The following ITPR1 variants were observed in gnomAD, a reference collection of about 807,000 sequenced individuals.
The protein encoded by ITPR1 is inositol 1,4,5-trisphosphate-gated calcium channel ITPR1.
A neutral mutation model predicts 318.4 loss-of-function variants in ITPR1; 96 were observed. The ratio of observed to expected loss-of-function variants is 0.30; its 90% CI spans 0.26 to 0.36. The LOEUF is 0.36. ITPR1 is among the 10% of genes least tolerant of loss of function. The probability of loss-of-function intolerance (pLI) is 1.00; values close to 1 mark genes in which losing one functional copy is unlikely to be tolerated. For missense variants in ITPR1, 2,440 were observed against 3,460.2 expected (o/e 0.71, Z 7.40); for synonymous variants, 1,312 against 1,289.9 (o/e 1.02, Z -0.37).
chr3:4,511,648 C>T (rs1004279548), intron 2 of ITPR1, among the ~76,000 whole-genome samples: 1 of 152,124 alleles, frequency 6.6e-6, no homozygotes, highest in Admixed American at 6.6e-5. Flanking sequence ...TCTTATTCTC[C>T]CCATTTTACA....
At chr3:4,639,536 A>T in intron 6 of ITPR1, 66 bp downstream of exon 6, 1 of 1,186,058 alleles carries the variant, frequency 8.4e-7, no homozygotes, top group Non-Finnish European at 1.2e-6. Context: ...GAGGAAACAA[A>T]CACCTAAGAC....
chr3:4,622,697 G>A (rs1447549936), intron 4 of ITPR1, among the ~76,000 whole-genome samples: 3 of 152,348 alleles, frequency 2.0e-5, no homozygotes, highest in East Asian at 3.9e-4. Context: ...ACAGGTGTGA[G>A]CCACCGCACC....
intron 4 of ITPR1, among the ~76,000 whole-genome samples, chr3:4,526,395 T>C (rs2082980352): frequency 6.6e-6 from 1 of 152,204 alleles, no homozygotes; most frequent in East Asian, 1.9e-4. Context: ...CCCAGTGAAG[T>C]TGGTTTCAAG....
chr3:4,508,892 G>C (rs1028933216), intron 2 of ITPR1, among the ~76,000 whole-genome samples: 1 of 152,168 alleles, frequency 6.6e-6, no homozygotes, highest in African/African-American at 2.4e-5. Context: ...CAGCCACCTC[G>C]TGGGCTTACA....
intron 44 of ITPR1, among the ~76,000 whole-genome samples, chr3:4,762,432 A>G (rs1330379455): frequency 6.6e-6 from 1 of 152,160 alleles, no homozygotes; most frequent in Non-Finnish European, 1.5e-5. Context: ...CTAAGGTGAC[A>G]CTCGCTAGTA....
chr3:4,721,973 G>T (rs549428788), intron 40 of ITPR1, among the ~76,000 whole-genome samples: 25 of 152,162 alleles, frequency 1.6e-4, no homozygotes, highest in Non-Finnish European at 3.4e-4. Flanking sequence ...GTAGAAATTT[G>T]TCCCTTGATA....
chr3:4,681,210 C>T (rs780558317), intron 25 of ITPR1, among the ~76,000 whole-genome samples, 154 bp from the exon 26 acceptor site: 3 of 152,016 alleles, frequency 2.0e-5, no homozygotes, highest in African/African-American at 4.8e-5. Context: ...TTAATGTCAT[C>T]TGGGTTAGTC....
At chr3:4,575,702 G>T (rs931381480) in intron 4 of ITPR1, among the ~76,000 whole-genome samples, 5 of 151,100 alleles carry the variant, frequency 3.3e-5, no homozygotes, top group South Asian at 2.1e-4. Flanking sequence ...AAAAAAAGTT[G>T]ATGTCTTCTT....
chr3:4,842,182 C>G (rs2051395795), intron 61 of ITPR1, among the ~76,000 whole-genome samples: 1 of 152,260 alleles, frequency 6.6e-6, no homozygotes, highest in Non-Finnish European at 1.5e-5. Context: ...CATGAACAGT[C>G]TTTCAGATGT....
chr3:4,696,061 C>A (rs994660965), intron 33 of ITPR1, among the ~76,000 whole-genome samples: 3 of 152,066 alleles, frequency 2.0e-5, no homozygotes, highest in African/African-American at 7.2e-5. Context: ...TTATTTTTTT[C>A]AATTTGATGG....
intron 17 of ITPR1, among the ~76,000 whole-genome samples, chr3:4,666,456 C>T (rs139504486): frequency 2.0e-5 from 3 of 152,258 alleles, no homozygotes; most frequent in African/African-American, 7.2e-5. Context: ...TGTGTCAAGA[C>T]ACTTTGCTTG....
At chr3:4,835,151 T>C (rs914248886) in intron 60 of ITPR1, among the ~76,000 whole-genome samples, 3 of 142,206 alleles carry the variant, frequency 2.1e-5, no homozygotes, top group Admixed American at 2.1e-4. Context: ...AAACACTCTA[T>C]GACACCTTGT....
intron 2 of ITPR1, among the ~76,000 whole-genome samples, chr3:4,513,198 G>A (rs1559365584): frequency 1.3e-5 from 2 of 152,112 alleles, no homozygotes; most frequent in African/African-American, 2.4e-5. Flanking sequence ...CTTCTGGGGC[G>A]GACTTTCCAC....
chr3:4,577,062 G>C (rs1297288089), intron 4 of ITPR1, among the ~76,000 whole-genome samples: 1 of 152,226 alleles, frequency 6.6e-6, no homozygotes, highest in Non-Finnish European at 1.5e-5. Flanking sequence ...TGTAGAACAA[G>C]TATGGGAATT....
intron 33 of ITPR1, among the ~76,000 whole-genome samples, chr3:4,696,684 T>G (rs907559498): frequency 1.3e-5 from 2 of 151,698 alleles, no homozygotes; most frequent in Admixed American, 1.3e-4. Flanking sequence ...TTTTTTTTTT[T>G]TTTTTTTTGA....
rs1252031107 is a variant in ITPR1, at chr3:4,846,343, TCA to T, written c.*119_*120del. 1 of 653,910 alleles carries T rather than the reference TCA, an allele frequency of 1.5e-6. No individual in the cohort carries two copies. The highest frequency in any genetic ancestry group is 2.8e-5 in the East Asian group (1 of 35,634). 40.5% of individuals were successfully genotyped at this position (653,910 alleles called of 1,614,324 possible). A position where few individuals can be genotyped will look rare whatever the true frequency, so the allele number is the denominator to read the frequency against. On this transcript the variant is annotated 3_prime_UTR_variant, in exon 62 of 62. Coordinates refer to ENST00000649015, the MANE Select transcript of ITPR1 (RefSeq NM_001378452.1). The stretch of plus-strand genomic sequence containing the variant: ...TTATGCTGAATACATTTGTAAATAC[TCA>T]GTTTTATACTGTATGTATATGATTG...
intron 12 of ITPR1, 57 bp downstream of exon 12, chr3:4,653,943 T>C (rs1469009358): frequency 1.7e-5 from 21 of 1,237,516 alleles, no homozygotes; most frequent in Non-Finnish European, 2.5e-5. Context: ...CCAAATGATC[T>C]GGAGCTCCAT....
intron 60 of ITPR1, among the ~76,000 whole-genome samples, chr3:4,834,278 T>A (rs1368831773): frequency 6.6e-6 from 1 of 152,240 alleles, no homozygotes; most frequent in Non-Finnish European, 1.5e-5. Context: ...TACTTAGGTA[T>A]CAAAACTGTT....
At chr3:4,542,266 A>G (rs1267432086) in intron 4 of ITPR1, among the ~76,000 whole-genome samples, 4 of 152,080 alleles carry the variant, frequency 2.6e-5, no homozygotes, top group South Asian at 4.1e-4. Context: ...TGAAAATGGT[A>G]TCTTATTTCC....
Sources: allele counts gnomAD v4.1 joint callset (sites outside exome capture counted in the v4.1 genomes callset), GRCh38; gene constraint gnomAD v4.1.1; transcripts MANE v1.5; gene names NCBI Gene and HGNC (gene_info 2026-07-23, HGNC 2026-07-21).